Variants in BAAT observed in about 807,000 individuals in gnomAD.
BAAT encodes the protein bile acid-CoA:amino acid N-acyltransferase.
In BAAT, 13 loss-of-function variants were observed where a neutral mutation model predicts 18.9. The ratio of observed to expected loss-of-function variants is 0.69; its 90% CI spans 0.45 to 1.10. BAAT has a LOEUF of 1.10. BAAT is among the 50% of genes least tolerant of loss of function. The pLI is 0.00. For synonymous variants in BAAT, 170 were observed against 190.7 expected, an observed-to-expected ratio of 0.89 and a Z score of 0.89; for missense variants, 489 against 504.0, an observed-to-expected ratio of 0.97 and a Z score of 0.28.
rs769690037 is a variant in BAAT at position 101,362,873 on chromosome 9, T to C, written c.812A>G (p.His271Arg). ...NFPFGIPQVY[H>R]GQIHQPLPHS... ...GGGAAGGGGCTGATGGATCTGACCA[T>C]GATATACCTGTGGAATGCCAAAAGG... Residue 271 changes from histidine to arginine, a missense_variant, in exon 4 of 4, where the codon CAT becomes CGT. Transcript: ENST00000259407. 1.9e-6 allele frequency: 3 copies of C among 1,614,110 alleles called. No homozygotes were observed. Among genetic ancestry groups the C allele is most frequent in the Non-Finnish European group, 2.5e-6 (3 of 1,180,014 alleles).
At chr9:101,376,763 T>A (rs1830055166) in intron 1 of BAAT, among the ~76,000 whole-genome samples, 1 of 152,172 alleles carries the variant, frequency 6.6e-6, no homozygotes, top group African/African-American at 2.4e-5. Context: ...CCCGGTTTAG[T>A]GGTATTTTAA....
intron 1 of BAAT, among the ~76,000 whole-genome samples, chr9:101,373,696 T>C (rs1478418921): frequency 6.6e-6 from 1 of 152,216 alleles, no homozygotes; most frequent in African/African-American, 2.4e-5. Context: ...AACCTGTAAC[T>C]TATAGCTGGA....
chr9:101,362,731 C>T lies in BAAT; in HGVS notation c.954G>A (p.Gly318=), dbSNP rs1829755318. The T allele has an allele frequency of 3.7e-6, 6 of 1,614,142 alleles. No individual in the cohort carries two copies. Among genetic ancestry groups the T allele is most frequent in the East Asian group, 2.2e-5 (1 of 44,874 alleles). ...CTTCTCCTACAATGAAGAGGAATTG[C>T]CCCTGGGCCTCTTCAATAGGAAACA... The part of the protein sequence containing the change: ...QYLFPIEEAQ[G]QFLFIVGEGD... Residue 318 remains glycine (G), a synonymous_variant, in exon 4 of 4, where the codon GGG becomes GGA. Coordinates refer to ENST00000259407, the MANE Select transcript of BAAT (RefSeq NM_001701.4).
At chr9:101,384,713 T>C (rs1057024427) in intron 1 of BAAT, among the ~76,000 whole-genome samples, 142 bp downstream of exon 1, 1 of 152,212 alleles carries the variant, frequency 6.6e-6, no homozygotes, top group African/African-American at 2.4e-5. Context: ...CTTTCAAATT[T>C]GTATTTGCTG....
rs374771611 is a variant in BAAT, at chr9:101,363,509, G to A, written c.670-494C>T. On this transcript the variant is annotated intron_variant, in intron 3 of 3. Transcript: ENST00000259407. Reference sequence around the variant, plus strand: ...AATGTCATAAAGGAGGCTTGGCTCAGCTTCCTCCCTCATTGTCAGTCATCA... The same window carrying A: ...AATGTCATAAAGGAGGCTTGGCTCAACTTCCTCCCTCATTGTCAGTCATCA... 6.6e-5 allele frequency among the ~76,000 whole-genome samples: 10 copies of A among 152,158 alleles called. No homozygotes were observed. The East Asian group carries it at 1.3e-3, about 21-fold the overall frequency.
intron 2 of BAAT, among the ~76,000 whole-genome samples, chr9:101,369,639 T>A (rs543071978): frequency 3.9e-5 from 6 of 152,302 alleles, no homozygotes; most frequent in Middle Eastern, 3.4e-3. Context: ...TGGGGTGGGA[T>A]AATAGAGGCA....
chr9:101,365,008 G>A (rs1017677634), intron 3 of BAAT, among the ~76,000 whole-genome samples: 12 of 152,130 alleles, frequency 7.9e-5, no homozygotes, highest in African/African-American at 2.7e-4. Context: ...ATACTGTCCT[G>A]AACTAAGGTA....
chr9:101,367,116 G>GAAAAAAAA (rs66591298), intron 3 of BAAT, among the ~76,000 whole-genome samples: 2 of 99,666 alleles, frequency 2.0e-5, no homozygotes, highest in Non-Finnish European at 1.9e-5. Flanking sequence ...GTCAAAAAAA[G>GAAAAAAAA]AAAAAAAAAA....
chr9:101,379,533 G>A (rs1161920085), intron 1 of BAAT, among the ~76,000 whole-genome samples: 1 of 152,188 alleles, frequency 6.6e-6, no homozygotes, highest in Non-Finnish European at 1.5e-5. Context: ...ATCAGGTCAA[G>A]CATAATGAGA....
rs765262834 is a variant in BAAT, at chr9:101,371,194, T to A, written c.211A>T (p.Met71Leu). ...NHASSLGGDY[M>L]GVHPMGLFWS... is the part of the protein sequence containing the mutation. ...AAGAGACCCATGGGGTGGACTCCCA[T>A]ATAATCCCCTCCAAGTGAAGAAGCA... Residue 71 changes from methionine (M) to leucine (L), a missense_variant, in exon 2 of 4, where the codon ATG becomes TTG. Transcript: ENST00000259407. 2 of 1,614,012 alleles carry A rather than the reference T, an allele frequency of 1.2e-6. No individual in the cohort carries two copies. The highest frequency in any genetic ancestry group is 2.7e-5 in the African/African-American group (2 of 74,916).
At chr9:101,368,684 C>G (rs971996525) in intron 2 of BAAT, among the ~76,000 whole-genome samples, 3 of 152,060 alleles carry the variant, frequency 2.0e-5, no homozygotes, top group Non-Finnish European at 4.4e-5. Context: ...AGTTTCTATA[C>G]TCTTGTTGTA....
intron 1 of BAAT, among the ~76,000 whole-genome samples, chr9:101,375,793 A>T (rs954199147): frequency 2.6e-5 from 4 of 152,216 alleles, no homozygotes; most frequent in African/African-American, 9.6e-5. Context: ...CGAGGCAGGG[A>T]GCGCACTAGC....
chr9:101,368,166 A>G lies in BAAT; in HGVS notation c.623T>C (p.Leu208Ser), dbSNP rs1380417991. The G allele has an allele frequency of 1.2e-6, 2 of 1,614,192 alleles. No homozygotes were observed. Among genetic ancestry groups the G allele is most frequent in the Non-Finnish European group, 1.7e-6 (2 of 1,180,016 alleles). ...DLPRKPEVTD[L>S]EYFEEAANFL... is the part of the protein sequence containing the mutation. ...GTTGGCAGCCTCCTCAAAATATTCCAAATCTGTTACTTCTGGTTTGCGGGG... is the reference window on the plus strand; with the variant it reads ...GTTGGCAGCCTCCTCAAAATATTCCGAATCTGTTACTTCTGGTTTGCGGGG... Residue 208 changes from leucine (L) to serine (S), a missense_variant, in exon 3 of 4, where the codon TTG (leucine) becomes TCG (serine). Transcript: ENST00000259407.
At chr9:101,364,397 G>T (rs537326808) in intron 3 of BAAT, among the ~76,000 whole-genome samples, 3 of 152,282 alleles carry the variant, frequency 2.0e-5, no homozygotes, top group Admixed American at 2.0e-4. Flanking sequence ...GAAAATTGCA[G>T]AAATGTCAAT....
rs1019408703 is a variant in BAAT, at chr9:101,363,851, A to C, written c.670-836T>G. On this transcript the variant is annotated intron_variant, in intron 3 of 3. Coordinates refer to ENST00000259407, the MANE Select transcript of BAAT (RefSeq NM_001701.4). ...TAACATAGTGAGACCCTATCTCTACAAAACTAAAAAATTAGTTGAATATGG... is the reference window on the plus strand; with the variant it reads ...TAACATAGTGAGACCCTATCTCTACCAAACTAAAAAATTAGTTGAATATGG... Among the ~76,000 whole-genome samples the C allele has an allele frequency of 2.0e-5, 3 of 152,314 alleles. No individual in the cohort carries two copies. In the East Asian group the frequency reaches 5.8e-4, roughly 29 times the overall value.
At chr9:101,381,911 C>T (rs1393147774) in intron 1 of BAAT, among the ~76,000 whole-genome samples, 3 of 152,164 alleles carry the variant, frequency 2.0e-5, no homozygotes, top group African/African-American at 7.2e-5. Context: ...TACAGAAATA[C>T]ATGAGAGTCA....
intron 2 of BAAT, 74 bp downstream of exon 2, chr9:101,370,865 G>T: frequency 6.7e-7 from 1 of 1,489,180 alleles, no homozygotes; most frequent in South Asian, 1.1e-5. Flanking sequence ...AGCTATTCAA[G>T]CTAAATTTCT....
chr9:101,369,257 T>C (rs1037565028), intron 2 of BAAT, among the ~76,000 whole-genome samples: 3 of 152,088 alleles, frequency 2.0e-5, no homozygotes, highest in Non-Finnish European at 4.4e-5. Flanking sequence ...TGGGAATTTT[T>C]AAAAATTACT....
At chr9:101,383,107 TC>T (rs1224758483) in intron 1 of BAAT, among the ~76,000 whole-genome samples, 1 of 152,168 alleles carries the variant, frequency 6.6e-6, no homozygotes, top group Non-Finnish European at 1.5e-5. Context: ...TAGGCAATAG[TC>T]TTTTAAAAGA....
Sources: gnomAD v4.1 joint callset for allele counts (sites outside exome capture counted in the v4.1 genomes callset) on GRCh38, gnomAD v4.1.1 for gene constraint, MANE v1.5 for transcripts, NCBI Gene and HGNC (gene_info 2026-07-23, HGNC 2026-07-21) for gene names.